Variants in DLEC1 observed in about 807,000 individuals in gnomAD.
DLEC1 encodes the protein DLEC1 cilia and flagella associated protein.
DLEC1 carries 146 observed loss-of-function variants against 198.1 expected under a neutral mutation model. That is an observed-to-expected ratio of 0.74 (90% CI 0.64 to 0.85). The LOEUF (loss-of-function observed/expected upper bound fraction) is 0.85, where lower values mean the gene tolerates loss of function less well. DLEC1 is among the 40% of genes least tolerant of loss of function. The pLI, the probability that DLEC1 is intolerant of heterozygous loss-of-function variation, is 0.00. For synonymous variants in DLEC1, 897 were observed against 866.8 expected, an observed-to-expected ratio of 1.03 and a Z score of -0.61; for missense variants, 2,233 against 2,220.0, an observed-to-expected ratio of 1.01 and a Z score of -0.12.
Position 38,117,272 on chromosome 3 carries a change from T to A in DLEC1, c.4370T>A (p.Leu1457Gln). ...LQDFAVGPLK[L>Q]DLHSYVRPAQ... ...GACTTTGCGGTGGGACCCCTGAAAC[T>A]GGACCTGCATAGCTACGTGAGGCCT... The change falls in exon 31 of 37, where the codon CTG becomes CAG. Residue 1457 changes from leucine to glutamine, a missense_variant. Physicochemically the swap from Leu to Gln is moderately radical, Grantham distance 113. Transcript: ENST00000308059. 6.2e-7 allele frequency: 1 copy of A among 1,614,126 alleles called. No individual in the cohort carries two copies. The highest frequency in any genetic ancestry group is 1.1e-5 in the South Asian group (1 of 91,084).
chr3:38,068,269 G>A (rs553036285), intron 6 of DLEC1, among the ~76,000 whole-genome samples: 14 of 149,904 alleles, frequency 9.3e-5, no homozygotes, highest in Non-Finnish European at 1.5e-4. Context: ...TGGCTCTGTC[G>A]CCCAGGCTGG....
chr3:38,096,736 A>G lies in DLEC1; in HGVS notation c.2339A>G (p.Lys780Arg). 6.2e-7 allele frequency: 1 copy of G among 1,606,058 alleles called. No homozygotes were observed. The highest frequency in any genetic ancestry group is 8.5e-7 in the Non-Finnish European group (1 of 1,176,088). ...GGGATAAATGTGAAGAAGGCTTTTA[A>G]GGTAGGTCATTGTCTCTCCCCTGCC... is the stretch of plus-strand genomic sequence containing the variant. ...YIGINVKKAF[K>R]MWNNSKSPIR... Residue 780 changes from lysine (K) to arginine (R), a missense_variant and splice_region_variant, in exon 15 of 37, where the codon AAG becomes AGG. Coordinates refer to ENST00000308059, the MANE Select transcript of DLEC1 (RefSeq NM_007335.4).
chr3:38,051,346 C>T (rs1050987446), intron 2 of DLEC1, among the ~76,000 whole-genome samples: 4 of 152,356 alleles, frequency 2.6e-5, no homozygotes, highest in Non-Finnish European at 5.9e-5. Context: ...TGGTCCACCG[C>T]GGTCCCCACC....
Position 38,093,787 on chromosome 3 carries a change from G to A in DLEC1, c.1919+20G>A. 1.2e-6 allele frequency: 2 copies of A among 1,612,302 alleles called. No individual in the cohort carries two copies. The highest frequency in any genetic ancestry group is 1.3e-5 in the African/African-American group (1 of 74,988). On this transcript the variant is annotated intron_variant, in intron 12 of 36. Coordinates refer to ENST00000308059, the MANE Select transcript of DLEC1 (RefSeq NM_007335.4). The stretch of plus-strand genomic sequence containing the variant: ...TGCTACGTGGGTAACCCCTGTGTGT[G>A]CCCCAATACCCAACCCTTCTTCTTG...
Position 38,097,654 on chromosome 3 carries a change from T to C in DLEC1, c.2565+17T>C, listed in dbSNP as rs747608905. 1.5e-5 allele frequency: 25 copies of C among 1,614,006 alleles called. No individual in the cohort carries two copies. Among genetic ancestry groups the C allele is most frequent in the African/African-American group, 4.0e-5 (3 of 74,916 alleles). ...GTCTTTAAGGTGCTGCAGGTGGAGC[T>C]GGGCAGTGGGGTGGGCCCAGAGAGG... On this transcript the variant is annotated intron_variant, in intron 17 of 36. Coordinates refer to ENST00000308059, the MANE Select transcript of DLEC1 (RefSeq NM_007335.4).
At chr3:38,048,359 G>A (rs1002585972) in intron 2 of DLEC1, among the ~76,000 whole-genome samples, 1 of 152,188 alleles carries the variant, frequency 6.6e-6, no homozygotes, top group African/African-American at 2.4e-5. Flanking sequence ...CAGTGCAGTA[G>A]ACAGAAAAGA....
intron 1 of DLEC1, among the ~76,000 whole-genome samples, chr3:38,042,095 C>T (rs776906687): frequency 2.6e-5 from 4 of 151,820 alleles, no homozygotes; most frequent in Non-Finnish European, 5.9e-5. Flanking sequence ...TGGGTTCAAG[C>T]GATTCTCCTG....
intron 6 of DLEC1, among the ~76,000 whole-genome samples, chr3:38,077,411 C>T (rs902892113): frequency 6.6e-6 from 1 of 152,194 alleles, no homozygotes; most frequent in Non-Finnish European, 1.5e-5. Context: ...ATTCCGAGGA[C>T]AGGTCTGATT....
intron 19 of DLEC1, among the ~76,000 whole-genome samples, chr3:38,107,059 T>G (rs1490641838): frequency 6.6e-6 from 1 of 152,122 alleles, no homozygotes; most frequent in Non-Finnish European, 1.5e-5. Flanking sequence ...ACAGATCAGT[T>G]TACCTGAAGC....
intron 15 of DLEC1, 73 bp downstream of exon 15, chr3:38,096,810 T>C (rs1405884754): frequency 6.7e-7 from 1 of 1,492,224 alleles, no homozygotes; most frequent in East Asian, 2.3e-5. Flanking sequence ...AGGGAGGATA[T>C]AGCAGGAGGG....
intron 1 of DLEC1, among the ~76,000 whole-genome samples, chr3:38,044,716 CTA>C (rs1700805730): frequency 6.6e-6 from 1 of 152,230 alleles, no homozygotes; most frequent in African/African-American, 2.4e-5. Context: ...CTAATGCAAA[CTA>C]TCTTTCATAT....
chr3:38,091,478 A>G (rs554970009), intron 10 of DLEC1, among the ~76,000 whole-genome samples: 1 of 152,164 alleles, frequency 6.6e-6, no homozygotes, highest in African/African-American at 2.4e-5. Context: ...AGCAAAACAA[A>G]CAAATGAACA....
At chr3:38,093,942 C>A (rs1335731440) in intron 12 of DLEC1, among the ~76,000 whole-genome samples, 175 bp downstream of exon 12, 1 of 152,138 alleles carries the variant, frequency 6.6e-6, no homozygotes, top group African/African-American at 2.4e-5. Context: ...AAACCAGTAG[C>A]CACTCTTGGC....
intron 1 of DLEC1, among the ~76,000 whole-genome samples, chr3:38,041,715 G>C (rs1009383725): frequency 6.6e-6 from 1 of 151,696 alleles, no homozygotes; most frequent in Non-Finnish European, 1.5e-5. Context: ...GGGCGTGGTG[G>C]TGTGTGACTG....
At chr3:38,065,350 A>ACC in intron 6 of DLEC1, among the ~76,000 whole-genome samples, 1 of 147,504 alleles carries the variant, frequency 6.8e-6, no homozygotes, top group Non-Finnish European at 1.5e-5. Flanking sequence ...GAGAGGGAGG[A>ACC]GAGGGAGACT....
At chr3:38,057,111 A>G (rs1696412092) in intron 2 of DLEC1, among the ~76,000 whole-genome samples, 1 of 152,234 alleles carries the variant, frequency 6.6e-6, no homozygotes, top group Admixed American at 6.5e-5. Flanking sequence ...ACCTGGAGAC[A>G]GCTCAGGGGT....
intron 2 of DLEC1, among the ~76,000 whole-genome samples, chr3:38,056,111 ACACAC>A (rs1559400272): frequency 0.011 from 1,476 of 132,912 alleles, 10 homozygotes; most frequent in Middle Eastern, 0.036. Context: ...ACACACACAC[ACACAC>A]AAATAGCTGA....
In DLEC1 at chr3:38,117,512, C is replaced by G; in HGVS notation, c.4401-15C>G. ...AGGCGCCCGGCTTGCCCCAACAATGCCTATTGCTGGGCAGGCTAAGTGTGG... is the reference window on the plus strand; with the variant it reads ...AGGCGCCCGGCTTGCCCCAACAATGGCTATTGCTGGGCAGGCTAAGTGTGG... On this transcript the variant is annotated splice_polypyrimidine_tract_variant and intron_variant, in intron 31 of 36. Coordinates refer to ENST00000308059, the MANE Select transcript of DLEC1 (RefSeq NM_007335.4). 6.2e-7 allele frequency: 1 copy of G among 1,614,132 alleles called. No individual in the cohort carries two copies. The highest frequency in any genetic ancestry group is 8.5e-7 in the Non-Finnish European group (1 of 1,179,956).
intron 15 of DLEC1, among the ~76,000 whole-genome samples, 162 bp downstream of exon 15, chr3:38,096,899 A>G (rs1038519368): frequency 2.0e-5 from 3 of 152,186 alleles, no homozygotes; most frequent in Non-Finnish European, 2.9e-5. Context: ...ACAGATGCAT[A>G]GGCCAGGCAT....
Sources: gnomAD v4.1 joint callset for allele counts (sites outside exome capture counted in the v4.1 genomes callset) on GRCh38, gnomAD v4.1.1 for gene constraint, MANE v1.5 for transcripts, NCBI Gene and HGNC (gene_info 2026-07-23, HGNC 2026-07-21) for gene names.